Variants in ALDH1L1 observed in about 807,000 individuals in gnomAD.
The protein encoded by ALDH1L1 is aldehyde dehydrogenase 1 family member L1, also known as cytosolic 10-formyltetrahydrofolate dehydrogenase.
Under a neutral mutation model 101.1 loss-of-function variants are expected in ALDH1L1, and 68 were observed. The observed-to-expected ratio is 0.67, with a 90% CI of 0.55 to 0.82. The LOEUF (loss-of-function observed/expected upper bound fraction) is 0.82. Ranked by LOEUF, ALDH1L1 falls within the 40% of genes least tolerant of loss-of-function variation. The pLI is 0.00. For missense variants in ALDH1L1, 1,087 were observed against 1,172.7 expected, an observed-to-expected ratio of 0.93 and a Z score of 1.07; for synonymous variants, 486 against 470.8, an observed-to-expected ratio of 1.03 and a Z score of -0.42.
chr3:126,106,817 T>TGGG (rs762700593), intron 21 of ALDH1L1, among the ~76,000 whole-genome samples: 80 of 152,198 alleles, frequency 5.3e-4, no homozygotes, highest in Admixed American at 2.0e-3. Context: ...CCACTCAGTG[T>TGGG]GGGGGGTGGT....
chr3:126,114,752 G>A, intron 17 of ALDH1L1, 96 bp from the exon 18 acceptor site: 1 of 1,198,524 alleles, frequency 8.3e-7, no homozygotes, highest in South Asian at 1.2e-5. Flanking sequence ...CCCAAAGCAT[G>A]CTTTGCTGCA....
chr3:126,158,539 CA>C lies in ALDH1L1; in HGVS notation c.227del (p.Leu76TrpfsTer19). ...AGGGCAGGACGTTGAGCTCGGCCCC[CA>C]AAGCCTGGTATTTTGCCACCACATC... The part of the protein sequence containing the change: ...LPDVVAKYQA[L>X]GAELNVLPFC... On this transcript the variant is annotated frameshift_variant, in exon 3 of 23. Coordinates refer to ENST00000393434, the MANE Select transcript of ALDH1L1 (RefSeq NM_012190.4). LOFTEE classifies it high-confidence loss of function. 1 of 1,614,224 alleles carries C rather than the reference CA, an allele frequency of 6.2e-7. No individual in the cohort carries two copies. Among genetic ancestry groups the C allele is most frequent in the Non-Finnish European group, 8.5e-7 (1 of 1,180,028 alleles).
At chr3:126,196,835 C>T (rs997138110) in intron 1 of ALDH1L1, among the ~76,000 whole-genome samples, 1 of 152,204 alleles carries the variant, frequency 6.6e-6, no homozygotes. Context: ...TGGAATCAAA[C>T]CCAGGCCACC....
chr3:126,146,967 C>G, intron 8 of ALDH1L1, 41 bp from the exon 9 acceptor site: 1 of 1,593,812 alleles, frequency 6.3e-7, no homozygotes, highest in Non-Finnish European at 8.6e-7. Context: ...CCCAGGGGAG[C>G]TGGGGACAAG....
In ALDH1L1 at chr3:126,125,678, G is replaced by C. The variant is rs1250062704; in HGVS notation, c.1738C>G (p.Leu580Val). The C allele has an allele frequency of 2.5e-6, 4 of 1,598,246 alleles. No homozygotes were observed. The highest frequency in any genetic ancestry group is 3.4e-6 in the Non-Finnish European group (4 of 1,171,396). ...AGGCAGGCAGCTGTCTTCCAGGACA[G>C]CATCATCAGGGGATAGTTCCAGGGG... ...IIPWNYPLMM[L>V]SWKTAACLAA... The change falls in exon 15 of 23, where the codon CTG becomes GTG. Residue 580 changes from leucine to valine, a missense_variant. Transcript: ENST00000393434.
intron 16 of ALDH1L1, among the ~76,000 whole-genome samples, chr3:126,120,693 G>T (rs1256502472): frequency 6.6e-6 from 1 of 152,100 alleles, no homozygotes; most frequent in African/African-American, 2.4e-5. Context: ...GTGTCTGTGT[G>T]GGGGCAGGTG....
chr3:126,111,831 G>A (rs1430545443), intron 19 of ALDH1L1, among the ~76,000 whole-genome samples: 2 of 152,228 alleles, frequency 1.3e-5, no homozygotes, highest in East Asian at 1.9e-4. Context: ...ACCTAGGGGC[G>A]GTGGGGGGCG....
At chr3:126,144,873 C>G (rs1379549859) in intron 9 of ALDH1L1, among the ~76,000 whole-genome samples, 2 of 152,138 alleles carry the variant, frequency 1.3e-5, no homozygotes, top group African/African-American at 4.8e-5. Context: ...AAAGCTTCTG[C>G]AAAGCAAAGG....
chr3:126,170,919 G>A (rs4679210), intron 1 of ALDH1L1, among the ~76,000 whole-genome samples: 82,732 of 151,922 alleles, frequency 0.54, 22,820 homozygotes, highest in African/African-American at 0.62. Context: ...ACCCTCATAC[G>A]ATGGGCCCCA....
intron 9 of ALDH1L1, among the ~76,000 whole-genome samples, chr3:126,141,637 G>C (rs1375418380): frequency 1.3e-5 from 2 of 152,118 alleles, no homozygotes; most frequent in East Asian, 3.9e-4. Flanking sequence ...CGAGAAACTA[G>C]AAAATACCTT....
chr3:126,109,600 C>T (rs574326925), intron 20 of ALDH1L1, among the ~76,000 whole-genome samples: 163 of 152,174 alleles, frequency 1.1e-3, no homozygotes, highest in South Asian at 2.1e-3. Flanking sequence ...GGTGAAGCAA[C>T]GGCTGAGAGG....
chr3:126,158,453 T>C lies in ALDH1L1; in HGVS notation c.314A>G (p.Tyr105Cys), dbSNP rs1412243710. ...ISAPRHGSII[Y>C]HPSLLPRHRG... is the part of the protein sequence containing the mutation. Reference sequence around the variant, plus strand: ...GTGCCTAGGGAGCAGTGACGGGTGATAGATGATGGAGCCATGCCGGGGGGC... The same window carrying C: ...GTGCCTAGGGAGCAGTGACGGGTGACAGATGATGGAGCCATGCCGGGGGGC... The change falls in exon 3 of 23, where the codon TAT becomes TGT. Residue 105 changes from tyrosine (Y) to cysteine (C), a missense_variant. This residue lies in a region of ALDH1L1 where 645 missense variants were observed against 637.0 expected (regional missense o/e 1.01). Coordinates refer to ENST00000393434, the MANE Select transcript of ALDH1L1 (RefSeq NM_012190.4). The C allele has an allele frequency of 6.2e-7, 1 of 1,613,100 alleles. No individual in the cohort carries two copies. The highest frequency in any genetic ancestry group is 1.7e-5 in the Admixed American group (1 of 59,912).
chr3:126,104,777 G>A (rs115234547), intron 22 of ALDH1L1: 5,218 of 153,026 alleles, frequency 0.034, 206 homozygotes, highest in African/African-American at 0.094. Flanking sequence ...TGGGGGCAGG[G>A]GGAGGAGAGA....
At chr3:126,110,249 C>T in intron 19 of ALDH1L1, 140 bp from the exon 20 acceptor site, 1 of 1,118,420 alleles carries the variant, frequency 8.9e-7, no homozygotes, top group Non-Finnish European at 1.3e-6. Context: ...TGAATTCTGA[C>T]TCTAAATCCA....
intron 1 of ALDH1L1, among the ~76,000 whole-genome samples, chr3:126,197,423 C>T (rs747468331): frequency 2.8e-4 from 43 of 152,054 alleles, no homozygotes; most frequent in Non-Finnish European, 3.4e-4. Context: ...TACAAAAATC[C>T]CTGAAAATTT....
At chr3:126,171,901 G>A (rs7617733) in intron 1 of ALDH1L1, among the ~76,000 whole-genome samples, 35,740 of 151,966 alleles carry the variant, frequency 0.24, 4,756 homozygotes, top group African/African-American at 0.37. Flanking sequence ...AAAACACCTT[G>A]CTACTACATC....
At chr3:126,141,565 C>T (rs1344587848) in intron 9 of ALDH1L1, among the ~76,000 whole-genome samples, 1 of 151,710 alleles carries the variant, frequency 6.6e-6, no homozygotes, top group Admixed American at 6.6e-5. Context: ...CTGGAAAATC[C>T]ATAAAGATAT....
intron 2 of ALDH1L1, chr3:126,159,606 A>C (rs558778324): frequency 2.2e-6 from 1 of 448,352 alleles, no homozygotes; most frequent in South Asian, 1.6e-5. Context: ...ATGTCAGCAG[A>C]TTGGACTGCA....
chr3:126,191,862 G>A (rs943037644), intron 1 of ALDH1L1, among the ~76,000 whole-genome samples: 1 of 152,198 alleles, frequency 6.6e-6, no homozygotes, highest in Non-Finnish European at 1.5e-5. Context: ...GGAGAGCAAA[G>A]CAAGAGATAA....
Sources: gnomAD v4.1 joint callset for allele counts (sites outside exome capture counted in the v4.1 genomes callset) on GRCh38, gnomAD v4.1.1 for gene constraint, gnomAD v4.1.1 regional missense constraint, MANE v1.5 for transcripts, NCBI Gene and HGNC (gene_info 2026-07-23, HGNC 2026-07-21) for gene names.